Variants in PTCD2 observed in about 807,000 individuals in gnomAD.
The protein encoded by PTCD2 is pentatricopeptide repeat-containing protein 2, mitochondrial.
A neutral mutation model predicts 42.6 loss-of-function variants in PTCD2; 31 were observed. The observed-to-expected ratio is 0.73, with a 90% CI of 0.55 to 0.98. PTCD2 has a LOEUF of 0.98. Among genes scored for constraint, PTCD2 ranks in the 50% least tolerant of loss-of-function variants. The pLI, the probability that PTCD2 is intolerant of heterozygous loss-of-function variation, is 0.00. For missense variants in PTCD2, 476 were observed against 454.8 expected, an observed-to-expected ratio of 1.05 and a Z score of -0.42; for synonymous variants, 183 against 170.9, an observed-to-expected ratio of 1.07 and a Z score of -0.55.
rs1285555406 is a variant in PTCD2 at position 72,366,901 on chromosome 5, G to A, written c.*8474G>A. On this transcript the variant is annotated 3_prime_UTR_variant, in exon 10 of 10. Transcript: ENST00000380639. ...CACTCAGTTTCTTATGAAAGAAAAA[G>A]GATGGTCATTTGTCTCACTTGGGAA... 3 of 152,204 alleles carry A rather than the reference G, an allele frequency of 2.0e-5. No homozygotes were observed. The highest frequency in any genetic ancestry group is 7.2e-5 in the African/African-American group (3 of 41,458). The allele number at this position is 152,204 out of a possible 1,614,324, so 9.4% of individuals were successfully genotyped here. A position where few individuals can be genotyped will look rare whatever the true frequency, so the allele number is the denominator to read the frequency against.
Position 72,365,812 on chromosome 5 carries a change from A to AT in PTCD2, c.*7390dup, listed in dbSNP as rs1252294260. ...TTTCCAATTTAGAAGATCATAATCG[A>AT]TTTTTAACACATTGGTCCTTAGGTG... On this transcript the variant is annotated 3_prime_UTR_variant, in exon 10 of 10. Transcript: ENST00000380639. The AT allele has an allele frequency of 1.3e-5, 2 of 152,224 alleles. No homozygotes were observed. Among genetic ancestry groups the AT allele is most frequent in the African/African-American group, 2.4e-5 (1 of 41,450 alleles). The allele number at this position is 152,224 out of a possible 1,614,324, so 9.4% of individuals were successfully genotyped here.
chr5:72,354,404 A>AG (rs2112229970), intron 9 of PTCD2, among the ~76,000 whole-genome samples: 1 of 151,474 alleles, frequency 6.6e-6, no homozygotes, highest in East Asian at 1.9e-4. Flanking sequence ...AAAAAAAAAA[A>AG]AAAAGCTCTT....
intron 2 of PTCD2, among the ~76,000 whole-genome samples, chr5:72,322,760 CAG>C (rs753636024): frequency 2.0e-5 from 3 of 152,124 alleles, no homozygotes; most frequent in Non-Finnish European, 2.9e-5. Context: ...TGAAACAAAA[CAG>C]TACTATGTGT....
chr5:72,340,231 C>T (rs1388052011), intron 7 of PTCD2, among the ~76,000 whole-genome samples: 1 of 152,062 alleles, frequency 6.6e-6, no homozygotes, highest in Admixed American at 6.6e-5. Context: ...TTGACAAGAC[C>T]TGTTAATTCC....
chr5:72,358,450 G>T lies in PTCD2; in HGVS notation c.*23G>T. The T allele has an allele frequency of 6.5e-7, 1 of 1,548,932 alleles. No individual in the cohort carries two copies. The highest frequency in any genetic ancestry group is 2.1e-4 in the Middle Eastern group (1 of 4,766). On this transcript the variant is annotated 3_prime_UTR_variant, in exon 10 of 10. Transcript: ENST00000380639. The stretch of plus-strand genomic sequence containing the variant: ...TAACCCTGGTTTCAGTCCACCTATG[G>T]ATCTGAGGGGCCTGCTTCTAGTGAG...
chr5:72,320,686 C>T (rs1245883643), intron 1 of PTCD2, 177 bp downstream of exon 1: 5 of 746,744 alleles, frequency 6.7e-6, no homozygotes, highest in African/African-American at 1.8e-5. Flanking sequence ...GTCGTGGATA[C>T]CCCCAGTGCC....
At chr5:72,355,791 T>A (rs534930566) in intron 9 of PTCD2, among the ~76,000 whole-genome samples, 1 of 152,208 alleles carries the variant, frequency 6.6e-6, no homozygotes, top group African/African-American at 2.4e-5. Context: ...AATACTGATA[T>A]TGTCATTTTG....
intron 6 of PTCD2, 42 bp from the exon 7 acceptor site, chr5:72,338,579 TA>T (rs1172239943): frequency 9.6e-7 from 1 of 1,041,112 alleles, no homozygotes; most frequent in Non-Finnish European, 1.5e-6. Flanking sequence ...TTATTGAACT[TA>T]AAGGTTTATA....
At position 72,327,310 on chromosome 5, in the gene PTCD2, G is replaced by A. The variant is rs535347011; in HGVS notation, c.350+569G>A. On this transcript the variant is annotated intron_variant, in intron 3 of 9. Coordinates refer to ENST00000380639, the MANE Select transcript of PTCD2 (RefSeq NM_024754.5). ...CAGTCCTGCTATACCTTTCTGATCCGTTATTAAAGTTTCCCATGTCAGAAA... is the reference window on the plus strand; with the variant it reads ...CAGTCCTGCTATACCTTTCTGATCCATTATTAAAGTTTCCCATGTCAGAAA... Among the ~76,000 whole-genome samples, 18 of 152,120 alleles carry A rather than the reference G, an allele frequency of 1.2e-4. No individual in the cohort carries two copies. In the South Asian group the frequency reaches 1.9e-3, roughly 16 times the overall value.
At chr5:72,346,432 T>G (rs1203010008) in intron 8 of PTCD2, among the ~76,000 whole-genome samples, 1 of 152,102 alleles carries the variant, frequency 6.6e-6, no homozygotes, top group African/African-American at 2.4e-5. Context: ...CTTGCAGCTG[T>G]GTAGAAATCC....
chr5:72,342,505 G>A (rs568858880), intron 7 of PTCD2, among the ~76,000 whole-genome samples: 9 of 152,330 alleles, frequency 5.9e-5, no homozygotes, highest in African/African-American at 1.9e-4. Flanking sequence ...GAGCTGTACT[G>A]TTGTAGATTC....
chr5:72,340,842 C>T (rs1273883697), intron 7 of PTCD2, among the ~76,000 whole-genome samples: 1 of 151,518 alleles, frequency 6.6e-6, no homozygotes, highest in African/African-American at 2.4e-5. Flanking sequence ...AAATCTAACG[C>T]CTGCCTGATT....
intron 2 of PTCD2, among the ~76,000 whole-genome samples, chr5:72,325,459 A>G (rs568969418): frequency 6.6e-6 from 1 of 152,336 alleles, no homozygotes; most frequent in East Asian, 1.9e-4. Context: ...GGAAGGTACC[A>G]CGATCCTTAA....
At chr5:72,322,101 T>G (rs1750889734) in intron 1 of PTCD2, 71 bp from the exon 2 acceptor site, 2 of 773,034 alleles carry the variant, frequency 2.6e-6, no homozygotes, top group South Asian at 2.8e-5. Context: ...GTAATCCAGC[T>G]CTATTCATGT....
intron 4 of PTCD2, among the ~76,000 whole-genome samples, chr5:72,333,552 G>A (rs1426337471): frequency 6.6e-6 from 1 of 152,082 alleles, no homozygotes; most frequent in African/African-American, 2.4e-5. Context: ...ACTTGAGCAA[G>A]GCATTTAATG....
In PTCD2 at chr5:72,358,663, T is replaced by C. The variant is rs1233618337; in HGVS notation, c.*236T>C. ...GAAAGGCGCTTCCCTTTTGCATGGC[T>C]GAGGATCCTTGAAGGAACCTGGTCA... is the stretch of plus-strand genomic sequence containing the variant. On this transcript the variant is annotated 3_prime_UTR_variant, in exon 10 of 10. Coordinates refer to ENST00000380639, the MANE Select transcript of PTCD2 (RefSeq NM_024754.5). 5 of 540,042 alleles carry C rather than the reference T, an allele frequency of 9.3e-6. No individual in the cohort carries two copies. The highest frequency in any genetic ancestry group is 3.3e-6 in the Non-Finnish European group (1 of 300,548). 33.5% of individuals were successfully genotyped at this position (540,042 alleles called of 1,614,324 possible).
chr5:72,341,502 G>A (rs541150852), intron 7 of PTCD2, among the ~76,000 whole-genome samples: 54 of 152,072 alleles, frequency 3.6e-4, no homozygotes, highest in Middle Eastern at 3.4e-3. Flanking sequence ...ACTTTGGAAG[G>A]GGGGAGGATC....
chr5:72,347,814 A>G (rs1752435021), intron 8 of PTCD2, among the ~76,000 whole-genome samples: 1 of 152,156 alleles, frequency 6.6e-6, no homozygotes, highest in African/African-American at 2.4e-5. Flanking sequence ...AAGAGGAGCA[A>G]TGCAGGGCAT....
rs537102414 is a variant in PTCD2 at position 72,352,890 on chromosome 5, G to A, written c.942+136G>A. On this transcript the variant is annotated intron_variant, in intron 9 of 9. Coordinates refer to ENST00000380639, the MANE Select transcript of PTCD2 (RefSeq NM_024754.5). ...AGCTTCTCTGTTGTTCCTGTTTTAA[G>A]ACTTCCATGTATATGTGCAAAGATT... 1.2e-3 allele frequency: 671 copies of A among 563,736 alleles called. 13 individuals are homozygous for A. The South Asian group carries it at 0.016, about 13-fold the overall frequency. 34.9% of individuals were successfully genotyped at this position (563,736 alleles called of 1,614,324 possible). A position where few individuals can be genotyped will look rare whatever the true frequency, so the allele number is the denominator to read the frequency against.
Sources: allele counts gnomAD v4.1 joint callset (sites outside exome capture counted in the v4.1 genomes callset), GRCh38; gene constraint gnomAD v4.1.1; transcripts MANE v1.5; gene names NCBI Gene and HGNC (gene_info 2026-07-23, HGNC 2026-07-21).